The following ADAMTS8 variants were observed in gnomAD, a reference collection of about 807,000 sequenced individuals.
The protein encoded by ADAMTS8 is A disintegrin and metalloproteinase with thrombospondin motifs 8.
In ADAMTS8, 50 loss-of-function variants were observed where a neutral mutation model predicts 64.4. The ratio of observed to expected loss-of-function variants is 0.78; its 90% CI spans 0.62 to 0.98. ADAMTS8 has a LOEUF of 0.98. ADAMTS8 is among the 50% of genes least tolerant of loss of function. The probability of loss-of-function intolerance (pLI) is 0.00; values close to 1 mark genes in which losing one functional copy is unlikely to be tolerated. For missense variants in ADAMTS8, 1,192 were observed against 1,208.2 expected, an observed-to-expected ratio of 0.99 and a Z score of 0.20; for synonymous variants, 556 against 533.6, an observed-to-expected ratio of 1.04 and a Z score of -0.58.
chr11:130,417,519 A>G, intron 2 of ADAMTS8, among the ~76,000 whole-genome samples: 1 of 151,910 alleles, frequency 6.6e-6, no homozygotes, highest in African/African-American at 2.4e-5. Context: ...GGCCTCCCAA[A>G]GTGCTGGGAT....
In ADAMTS8 at chr11:130,411,347, C is replaced by T; in HGVS notation, c.1750+70G>A. 6.4e-7 allele frequency: 1 copy of T among 1,555,358 alleles called. No homozygotes were observed. Among genetic ancestry groups the T allele is most frequent in the Non-Finnish European group, 8.7e-7 (1 of 1,145,158 alleles). The stretch of plus-strand genomic sequence containing the variant: ...ACACCCACTTCACTCCCACTTTACA[C>T]ATCCTCTGGGGATGCGTCATAGCAA... On this transcript the variant is annotated intron_variant, in intron 6 of 8. Transcript: ENST00000257359. The surrounding 1 kb of genome is among the most constrained non-coding windows in gnomAD (Gnocchi z 4.2).
In ADAMTS8 at chr11:130,415,024, A is replaced by G. The variant is rs116104064; in HGVS notation, c.1265-192T>C. ...TGACTATCAGTTGCAAACGCTCTTC[A>G]GGACCGACTTTCCTTTGCTGTCCTG... On this transcript the variant is annotated intron_variant, in intron 4 of 8. Coordinates refer to ENST00000257359, the MANE Select transcript of ADAMTS8 (RefSeq NM_007037.6). Among the ~76,000 whole-genome samples, 698 of 152,370 alleles carry G rather than the reference A, an allele frequency of 4.6e-3. 11 individuals are homozygous for G. The highest frequency in any genetic ancestry group is 0.015 in the African/African-American group (630 of 41,588).
rs1398898745 is a variant in ADAMTS8 at position 130,427,637 on chromosome 11, T to TCAGAC, written c.645_649dup (p.Glu217GlyfsTer30). ...CAGCAGCGTCTCCACGAAGCGCGCC[T>TCAGAC]CAGACACAAACCGCTTGGTCCTACT... On this transcript the variant is annotated frameshift_variant, in exon 1 of 9. Coordinates refer to ENST00000257359, the MANE Select transcript of ADAMTS8 (RefSeq NM_007037.6). LOFTEE classifies it high-confidence loss of function. 1.2e-5 allele frequency: 19 copies of TCAGAC among 1,578,512 alleles called. No individual in the cohort carries two copies. The highest frequency in any genetic ancestry group is 1.6e-5 in the Non-Finnish European group (19 of 1,165,076).
In ADAMTS8 at chr11:130,408,923, G is replaced by A. The variant is rs1861919688; in HGVS notation, c.1768C>T (p.Gln590Ter). Residue 590 changes from glutamine (Q) to a stop codon, truncating the protein, a stop_gained, in exon 7 of 9, where the codon CAG (glutamine) becomes TAG (stop). Coordinates refer to ENST00000257359, the MANE Select transcript of ADAMTS8 (RefSeq NM_007037.6). LOFTEE classifies it high-confidence loss of function. ...CPPDGKSFRE[Q>*]QCEKYNAYNY... ...TAGGCATTATACTTCTCACACTGCT[G>A]CTCCCTGAAGCTTTTCCCTAGAAAG... is the stretch of plus-strand genomic sequence containing the variant. 2.5e-5 allele frequency: 38 copies of A among 1,541,988 alleles called. No homozygotes were observed. Among genetic ancestry groups the A allele is most frequent in the Non-Finnish European group, 3.2e-5 (37 of 1,143,742 alleles).
intron 1 of ADAMTS8, 122 bp from the exon 2 acceptor site, chr11:130,419,414 C>T (rs1159052682): frequency 3.3e-5 from 46 of 1,373,406 alleles, no homozygotes; most frequent in Non-Finnish European, 2.4e-5. Context: ...ACCAAAGCCT[C>T]ACAATACCCC....
In ADAMTS8 at chr11:130,405,890, G is replaced by A. The variant is rs374630396; in HGVS notation, c.2338C>T (p.Arg780Trp). The A allele has an allele frequency of 2.0e-5, 32 of 1,613,952 alleles. No homozygotes were observed. The African/African-American group carries it at 2.3e-4, about 11-fold the overall frequency. The change falls in exon 9 of 9, where the codon CGG becomes TGG. Residue 780 changes from arginine (R) to tryptophan (W), a missense_variant. Around this residue, in one of 5 missense-constraint regions of ADAMTS8, gnomAD observed 147 missense variants for 154.1 expected, o/e 0.95. Transcript: ENST00000257359. ...ACTGTCAGAGGCTCTGGCAAGGGCC[G>A]GAAGCTCTGCAGGCGCTCCAGGGTG... ...IATLERLQSF[R>W]PLPEPLTVQL...
intron 1 of ADAMTS8, among the ~76,000 whole-genome samples, chr11:130,419,954 C>G (rs538498810): frequency 6.6e-6 from 1 of 152,236 alleles, no homozygotes; most frequent in Admixed American, 6.5e-5. Context: ...TACTCTGCCA[C>G]AGTACCTCAT....
At position 130,405,678 on chromosome 11, in the gene ADAMTS8, G is replaced by A. The variant is rs760788962; in HGVS notation, c.2550C>T (p.Ala850=). The A allele has an allele frequency of 1.1e-5, 17 of 1,613,900 alleles. No homozygotes were observed. The highest frequency in any genetic ancestry group is 8.3e-5 in the Admixed American group (5 of 60,016). ...DWSECSSTCG[A]GWQRRTVECR... ...ACTCTACAGTTCGCCTCTGCCAGCC[G>A]GCCCCGCAGGTGCTAGAGCACTCAG... Residue 850 remains alanine, a synonymous_variant, in exon 9 of 9, where the codon GCC becomes GCT. Transcript: ENST00000257359.
rs771957682 is a variant in ADAMTS8, at chr11:130,419,118, G to T, written c.895C>A (p.Arg299Ser). Residue 299 changes from arginine to serine, a missense_variant, in exon 2 of 9, where the codon CGT becomes AGT. By Grantham distance (110) the Arg-to-Ser change is moderately radical (BLOSUM62 -1). Transcript: ENST00000257359. The part of the protein sequence containing the change: ...TLRNFCNWQR[R>S]FNQPSDRHPE... The stretch of plus-strand genomic sequence containing the variant: ...TGGCGGTCGCTGGGCTGGTTGAAAC[G>T]CCGCTGCCAGTTGCAGAAGTTACGC... 1 of 1,614,186 alleles carries T rather than the reference G, an allele frequency of 6.2e-7. No homozygotes were observed. The highest frequency in any genetic ancestry group is 8.5e-7 in the Non-Finnish European group (1 of 1,180,046).
Position 130,428,174 on chromosome 11 carries a change from G to A in ADAMTS8, c.113C>T (p.Ser38Leu), listed in dbSNP as rs1359621505. The A allele has an allele frequency of 2.2e-6, 3 of 1,371,262 alleles. No homozygotes were observed. Among genetic ancestry groups the A allele is most frequent in the Non-Finnish European group, 2.8e-6 (3 of 1,071,880 alleles). 84.9% of individuals were successfully genotyped at this position (1,371,262 alleles called of 1,614,324 possible). ...CAACCGCGTGGGCACCACCAGCTCC[G>A]AGGCCTGCCCCCCGGCTGCGGGCCG... ...PARPAAGGQA[S>L]ELVVPTRLPG... Residue 38 changes from serine to leucine, a missense_variant, in exon 1 of 9, where the codon TCG becomes TTG. Ser to Leu is a moderately radical substitution (Grantham distance 145, BLOSUM62 -2). This residue lies in a region of ADAMTS8 where 741 missense variants were observed against 710.6 expected (regional missense o/e 1.04). Coordinates refer to ENST00000257359, the MANE Select transcript of ADAMTS8 (RefSeq NM_007037.6).
In ADAMTS8 at chr11:130,405,064, C is replaced by G; in HGVS notation, c.*494G>C. Reference sequence around the variant, plus strand: ...GCCCTTTAGGTGATGGATTTTAACACTGAAGACAGTCGTGGTCATTCTTGA... The same window carrying G: ...GCCCTTTAGGTGATGGATTTTAACAGTGAAGACAGTCGTGGTCATTCTTGA... On this transcript the variant is annotated 3_prime_UTR_variant, in exon 9 of 9. Coordinates refer to ENST00000257359, the MANE Select transcript of ADAMTS8 (RefSeq NM_007037.6). 1.0e-6 allele frequency: 1 copy of G among 987,894 alleles called. No individual in the cohort carries two copies. The highest frequency in any genetic ancestry group is 1.2e-6 in the Non-Finnish European group (1 of 831,494). The allele number at this position is 987,894 out of a possible 1,614,324, so 61.2% of individuals were successfully genotyped here.
chr11:130,409,107 T>G (rs946836887), intron 6 of ADAMTS8, among the ~76,000 whole-genome samples, 167 bp from the exon 7 acceptor site: 5 of 152,172 alleles, frequency 3.3e-5, no homozygotes, highest in Admixed American at 2.6e-4. Flanking sequence ...GACGCATGTG[T>G]GACCCTTACT....
chr11:130,415,746 C>G (rs1176350997), intron 4 of ADAMTS8, among the ~76,000 whole-genome samples: 1 of 151,912 alleles, frequency 6.6e-6, no homozygotes, highest in Non-Finnish European at 1.5e-5. Context: ...GTATCTGGGA[C>G]CACAGGTGTG....
In ADAMTS8 at chr11:130,411,371, A is replaced by T. The variant is rs1301455071; in HGVS notation, c.1750+46T>A. Reference sequence around the variant, plus strand: ...ACATCCTCTGGGGATGCGTCATAGCAATGATAGTAGCTGCTCTGGCAGGGG... The same window carrying T: ...ACATCCTCTGGGGATGCGTCATAGCTATGATAGTAGCTGCTCTGGCAGGGG... On this transcript the variant is annotated intron_variant, in intron 6 of 8. Coordinates refer to ENST00000257359, the MANE Select transcript of ADAMTS8 (RefSeq NM_007037.6). The surrounding 1 kb of genome is among the most constrained non-coding windows in gnomAD (Gnocchi z 4.2). 1 of 1,593,358 alleles carries T rather than the reference A, an allele frequency of 6.3e-7. No individual in the cohort carries two copies.
intron 5 of ADAMTS8, among the ~76,000 whole-genome samples, chr11:130,412,299 C>T (rs528105726): frequency 4.6e-5 from 7 of 152,308 alleles, no homozygotes; most frequent in South Asian, 2.1e-4. Flanking sequence ...CTGCAACCTC[C>T]GCCTCCTGGG....
At chr11:130,406,340 TC>T in intron 8 of ADAMTS8, among the ~76,000 whole-genome samples, 1 of 152,252 alleles carries the variant, frequency 6.6e-6, no homozygotes, top group Non-Finnish European at 1.5e-5. Context: ...GTTTGCTTCA[TC>T]TGGCAACTCT....
In ADAMTS8 at chr11:130,427,929, G is replaced by A; in HGVS notation, c.358C>T (p.Arg120Cys). Residue 120 changes from arginine to cysteine, a missense_variant, in exon 1 of 9, where the codon CGC becomes TGC. By Grantham distance (180) the Arg-to-Cys change is radical. Coordinates refer to ENST00000257359, the MANE Select transcript of ADAMTS8 (RefSeq NM_007037.6). Reference protein sequence around the residue: ...PESLAAVSLCRGLSGSFLLDG... With the variant: ...PESLAAVSLCCGLSGSFLLDG... ...AGCAGGAAGGAGCCGCTCAGCCCGC[G>A]GCACAGGCTGACCGCCGCCAGCGAC... 2.0e-6 allele frequency: 3 copies of A among 1,532,878 alleles called. No homozygotes were observed. The highest frequency in any genetic ancestry group is 2.6e-6 in the Non-Finnish European group (3 of 1,146,022). The allele number at this position is 1,532,878 out of a possible 1,614,324, so 95.0% of individuals were successfully genotyped here.
chr11:130,412,043 G>A (rs1861959065), intron 5 of ADAMTS8: 1 of 171,260 alleles, frequency 5.8e-6, no homozygotes, highest in Non-Finnish European at 1.3e-5. Context: ...GGCCAGTGAT[G>A]CTGCTCCACA....
chr11:130,428,291 G>A lies in ADAMTS8; in HGVS notation c.-5C>T, dbSNP rs1413902115. 4.0e-6 allele frequency: 5 copies of A among 1,240,240 alleles called. No individual in the cohort carries two copies. The African/African-American group carries it at 7.9e-5, about 20-fold the overall frequency. The allele number at this position is 1,240,240 out of a possible 1,614,324, so 76.8% of individuals were successfully genotyped here. Reference sequence around the variant, plus strand: ...GGCGGCGGGGGCGGGGAGCATGGGGGCTGCGGCGGTGGCTGCGCGCAGGAG... The same window carrying A: ...GGCGGCGGGGGCGGGGAGCATGGGGACTGCGGCGGTGGCTGCGCGCAGGAG... On this transcript the variant is annotated 5_prime_UTR_variant, in exon 1 of 9. Transcript: ENST00000257359.
Sources: gnomAD v4.1 joint callset for allele counts (sites outside exome capture counted in the v4.1 genomes callset) on GRCh38, gnomAD v4.1.1 for gene constraint, gnomAD v4.1.1 regional missense constraint, Gnocchi (gnomAD v3.1) non-coding constraint, MANE v1.5 for transcripts, NCBI Gene and HGNC (gene_info 2026-07-23, HGNC 2026-07-21) for gene names.